The following CABIN1 variants were observed in gnomAD, a reference collection of about 807,000 sequenced individuals.
CABIN1 encodes the protein calcineurin binding protein 1.
In CABIN1, 133 loss-of-function variants were observed where a neutral mutation model predicts 227.7. The observed-to-expected ratio is 0.58, with a 90% CI of 0.51 to 0.67. The LOEUF is 0.67. Among genes scored for constraint, CABIN1 ranks in the 30% least tolerant of loss-of-function variants. The pLI is 0.00. For synonymous variants in CABIN1, 1,086 were observed against 1,155.1 expected, an observed-to-expected ratio of 0.94 and a Z score of 1.21; for missense variants, 2,408 against 2,852.5, an observed-to-expected ratio of 0.84 and a Z score of 3.55.
At chr22:24,084,475 A>G (rs1251946408) in intron 20 of CABIN1, 104 bp from the exon 21 acceptor site, 2 of 946,754 alleles carry the variant, frequency 2.1e-6, no homozygotes, top group East Asian at 4.8e-5. Context: ...ATATGCCATA[A>G]CCTCATTTAC....
Position 24,072,491 on chromosome 22 carries a change from C to T in CABIN1, c.2613C>T (p.Leu871=), listed in dbSNP as rs764073769. 6.2e-7 allele frequency: 1 copy of T among 1,614,060 alleles called. No homozygotes were observed. The highest frequency in any genetic ancestry group is 8.5e-7 in the Non-Finnish European group (1 of 1,180,036). Reference sequence around the variant, plus strand: ...ATTCTCTGTGCCACCAGCAGCAGCTCCAAAACCCAGCGGAGGAAGGTGCAC... The same window carrying T: ...ATTCTCTGTGCCACCAGCAGCAGCTTCAAAACCCAGCGGAGGAAGGTGCAC... The part of the protein sequence containing the change: ...TFHSLCHQQQ[L]QNPAEEGMSE... Residue 871 remains leucine (L), a synonymous_variant, in exon 18 of 37, where the codon CTC becomes CTT. Transcript: ENST00000263119.
chr22:24,054,465 T>A (rs1446939370), intron 8 of CABIN1, among the ~76,000 whole-genome samples: 5 of 152,170 alleles, frequency 3.3e-5, no homozygotes, highest in African/African-American at 1.2e-4. Flanking sequence ...CCCCACAGGC[T>A]CTCCGCATAA....
In CABIN1 at chr22:24,166,963, C is replaced by T. The variant is rs1010564047; in HGVS notation, c.5332C>T (p.Pro1778Ser). Reference sequence around the variant, plus strand: ...CCACTCAGACTTGGAGCGGACACCACCCCTGCTGCCAGGTCGCCCCGCAAG... The same window carrying T: ...CCACTCAGACTTGGAGCGGACACCATCCCTGCTGCCAGGTCGCCCCGCAAG... Reference protein sequence around the residue: ...VCHSDLERTPPLLPGRPARDR... With the variant: ...VCHSDLERTPSLLPGRPARDR... Residue 1778 changes from proline to serine, a missense_variant, in exon 32 of 37, where the codon CCC becomes TCC. Physicochemically the swap from Pro to Ser is moderately conservative, Grantham distance 74 (BLOSUM62 -1). Transcript: ENST00000263119. 3.8e-6 allele frequency: 6 copies of T among 1,590,544 alleles called. No individual in the cohort carries two copies. Among genetic ancestry groups the T allele is most frequent in the Non-Finnish European group, 5.1e-6 (6 of 1,169,280 alleles).
At chr22:24,167,558 C>T (rs181239327) in intron 32 of CABIN1, among the ~76,000 whole-genome samples, 2 of 152,202 alleles carry the variant, frequency 1.3e-5, no homozygotes, top group African/African-American at 2.4e-5. Context: ...GACCGCTGCT[C>T]CCACCGCTGC....
At chr22:24,042,034 C>A (rs894616687) in intron 5 of CABIN1, among the ~76,000 whole-genome samples, 1 of 152,224 alleles carries the variant, frequency 6.6e-6, no homozygotes, top group East Asian at 1.9e-4. Context: ...TCACTGCAGC[C>A]TCGACTTCCC....
intron 1 of CABIN1, among the ~76,000 whole-genome samples, chr22:24,029,671 A>G (rs1215958887): frequency 6.6e-6 from 1 of 152,176 alleles, no homozygotes; most frequent in African/African-American, 2.4e-5. Context: ...TTGCTACTGG[A>G]AATTTTGGAG....
At chr22:24,087,120 G>A (rs73401682) in intron 22 of CABIN1, among the ~76,000 whole-genome samples, 3,217 of 152,304 alleles carry the variant, frequency 0.021, 131 homozygotes, top group African/African-American at 0.072. Context: ...CTCAAAGCAG[G>A]GGAACAGAGT....
At position 24,056,345 on chromosome 22, in the gene CABIN1, A is replaced by C; in HGVS notation, c.1247A>C (p.Lys416Thr). 1 of 1,613,938 alleles carries C rather than the reference A, an allele frequency of 6.2e-7. No homozygotes were observed. The highest frequency in any genetic ancestry group is 8.5e-7 in the Non-Finnish European group (1 of 1,179,848). ...EKVDFQELLM[K>T]FLPSRLRKLD... is the part of the protein sequence containing the mutation. ...GTAGACTTCCAGGAGCTTCTGATGA[A>C]GTTCTTGCCGTCCAGGTACTGTGTA... The change falls in exon 10 of 37, where the codon AAG (lysine) becomes ACG (threonine). Residue 416 changes from lysine (K) to threonine (T), a missense_variant. Lys to Thr is a moderately conservative substitution (Grantham distance 78, BLOSUM62 -1). Around this residue, in one of 3 missense-constraint regions of CABIN1, gnomAD observed 1,045 missense variants for 1,168.4 expected, o/e 0.89. Coordinates refer to ENST00000263119, the MANE Select transcript of CABIN1 (RefSeq NM_012295.4).
intron 26 of CABIN1, among the ~76,000 whole-genome samples, chr22:24,111,260 G>T (rs1326874012): frequency 6.6e-6 from 1 of 152,222 alleles, no homozygotes; most frequent in Non-Finnish European, 1.5e-5. Context: ...TTAGCCTACA[G>T]TTGGGCAAAA....
intron 8 of CABIN1, among the ~76,000 whole-genome samples, chr22:24,051,455 T>TGTGA (rs2038330362): frequency 6.6e-6 from 1 of 152,170 alleles, no homozygotes; most frequent in African/African-American, 2.4e-5. Context: ...AGCCCCATGA[T>TGTGA]GTGAGAGTCT....
chr22:24,165,738 A>G (rs916954396), intron 31 of CABIN1, 112 bp downstream of exon 31: 1 of 852,372 alleles, frequency 1.2e-6, no homozygotes, highest in Non-Finnish European at 1.9e-6. Flanking sequence ...GGATGTGCCT[A>G]AGGGTCCCCA....
rs1374965683 is a variant in CABIN1, at chr22:24,049,080, T to C, written c.527-11T>C. The C allele has an allele frequency of 8.7e-6, 14 of 1,613,730 alleles. No homozygotes were observed. The highest frequency in any genetic ancestry group is 8.5e-6 in the Non-Finnish European group (10 of 1,179,868). On this transcript the variant is annotated splice_polypyrimidine_tract_variant and intron_variant, in intron 6 of 36. Transcript: ENST00000263119. ...GTCTCAGAAGTCATAAACTGTCTCT[T>C]TCCCCGCCAGCATGTCTGTACTTCA... is the stretch of plus-strand genomic sequence containing the variant.
intron 18 of CABIN1, among the ~76,000 whole-genome samples, chr22:24,072,975 A>G (rs2040198179): frequency 6.6e-6 from 1 of 152,168 alleles, no homozygotes; most frequent in African/African-American, 2.4e-5. Flanking sequence ...CCATACCCAT[A>G]TTGGGAATAA....
intron 1 of CABIN1, among the ~76,000 whole-genome samples, chr22:24,023,637 C>A (rs1317467974): frequency 6.6e-6 from 1 of 152,078 alleles, no homozygotes; most frequent in African/African-American, 2.4e-5. Flanking sequence ...ATTTACATTT[C>A]CTGGATGACT....
chr22:24,168,410 GCCTGCGCC>G (rs758936180), intron 32 of CABIN1, 29 bp from the exon 33 acceptor site: 17 of 1,549,576 alleles, frequency 1.1e-5, no homozygotes, highest in Non-Finnish European at 1.5e-5. Context: ...AACCACAATG[GCCTGCGCC>G]CCCTGACTTC....
chr22:24,156,195 C>T, intron 29 of CABIN1: 1 of 390,436 alleles, frequency 2.6e-6, no homozygotes, highest in Non-Finnish European at 4.5e-6. Context: ...GGCGCTTTTG[C>T]TCAATCGTCC....
rs745908928 is a variant in CABIN1 at position 24,156,118 on chromosome 22, A to ACTGGGGCCGGGG, written c.4747-8274_4747-8263dup. The ACTGGGGCCGGGG allele has an allele frequency of 3.4e-4, 137 of 403,340 alleles. 1 individual carries two copies. Among genetic ancestry groups the ACTGGGGCCGGGG allele is most frequent in the African/African-American group, 2.1e-3 (101 of 48,258 alleles). The allele number at this position is 403,340 out of a possible 1,614,324, so 25.0% of individuals were successfully genotyped here. ...GGCGGGGGCCGGGACTGGGGCCGGGACTGGGGCCGGGGCTGGGGCTGCGCA... is the reference window on the plus strand; with the variant it reads ...GGCGGGGGCCGGGACTGGGGCCGGGACTGGGGCCGGGGCTGGGGCCGGGGCTGGGGCTGCGCA... On this transcript the variant is annotated intron_variant, in intron 29 of 36. Coordinates refer to ENST00000263119, the MANE Select transcript of CABIN1 (RefSeq NM_012295.4).
chr22:24,110,693 G>GAGA, intron 26 of CABIN1, among the ~76,000 whole-genome samples: 1 of 151,632 alleles, frequency 6.6e-6, no homozygotes, highest in African/African-American at 2.4e-5. Context: ...ATCTTGAGTT[G>GAGA]ATTATTTTAT....
intron 10 of CABIN1, among the ~76,000 whole-genome samples, chr22:24,057,715 C>T (rs539290017): frequency 6.6e-6 from 1 of 152,288 alleles, no homozygotes; most frequent in East Asian, 1.9e-4. Flanking sequence ...AATTTGTTGT[C>T]TTTCTGAGGT....
Sources: allele counts gnomAD v4.1 joint callset (sites outside exome capture counted in the v4.1 genomes callset), GRCh38; gene constraint gnomAD v4.1.1; regional missense constraint gnomAD v4.1.1; transcripts MANE v1.5; gene names NCBI Gene and HGNC (gene_info 2026-07-23, HGNC 2026-07-21).